ATG4B: variants seen among roughly 807,000 people sequenced by gnomAD.
The protein encoded by ATG4B is cysteine protease ATG4B.
Under a neutral mutation model 56.6 loss-of-function variants are expected in ATG4B, and 29 were observed. That is an observed-to-expected ratio of 0.51 (90% CI 0.38 to 0.70). The LOEUF is 0.70. Among genes scored for constraint, ATG4B ranks in the 30% least tolerant of loss-of-function variants. ATG4B has a pLI of 0.00. For synonymous variants in ATG4B, 224 were observed against 206.1 expected (o/e 1.09, Z -0.74); for missense variants, 461 against 515.5 (o/e 0.89, Z 1.02).
intron 5 of ATG4B, 84 bp from the exon 6 acceptor site, chr2:241,655,186 GT>G: frequency 4.3e-6 from 6 of 1,409,262 alleles, no homozygotes; most frequent in Middle Eastern, 1.8e-4. Flanking sequence ...AGGCCTTCCT[GT>G]GACGTGTCTC....
chr2:241,668,682 T>C lies in ATG4B; in HGVS notation c.954T>C (p.Ala318=). 1.3e-6 allele frequency: 2 copies of C among 1,570,526 alleles called. No homozygotes were observed. The highest frequency in any genetic ancestry group is 1.4e-5 in the African/African-American group (1 of 73,838). The change falls in exon 10 of 13, where the codon GCT becomes GCC. Residue 318 remains alanine, a synonymous_variant. Transcript: ENST00000404914. The surrounding 1 kb of genome is among the most constrained non-coding windows in gnomAD (Gnocchi z 4.2). ...TCGCGGAGCTTGACCCGTCCATCGC[T>C]GTGGTACGTGGCGGCCACCTGAGCA... The part of the protein sequence containing the change: ...MSIAELDPSI[A]VGFFCKTEDD...
chr2:241,666,561 T>C (rs752921596), intron 7 of ATG4B, 84 bp from the exon 8 acceptor site: 14 of 1,419,182 alleles, frequency 9.9e-6, no homozygotes, highest in Middle Eastern at 1.7e-4. Context: ...CTTTTTCTGT[T>C]ACACAGTCAT....
rs750086156 is a variant in ATG4B, at chr2:241,655,300, A to G, written c.415A>G (p.Ile139Val). ...AQMGVGEGKS[I>V]GQWYGPNTVA... ...AATGGGAGTTGGCGAAGGCAAGTCCATAGGCCAGTGGTACGGGCCCAACAC... is the reference window on the plus strand; with the variant it reads ...AATGGGAGTTGGCGAAGGCAAGTCCGTAGGCCAGTGGTACGGGCCCAACAC... The change falls in exon 6 of 13, where the codon ATA (isoleucine) becomes GTA (valine). Residue 139 changes from isoleucine (I) to valine (V), a missense_variant. Coordinates refer to ENST00000404914, the MANE Select transcript of ATG4B (RefSeq NM_013325.5). 2.4e-5 allele frequency: 38 copies of G among 1,612,258 alleles called. 1 individual carries two copies. The highest frequency in any genetic ancestry group is 2.9e-5 in the Non-Finnish European group (34 of 1,179,232).
At chr2:241,672,055 T>C in intron 12 of ATG4B, 136 bp from the exon 13 acceptor site, 1 of 1,391,272 alleles carries the variant, frequency 7.2e-7, no homozygotes, top group East Asian at 3.1e-5. Context: ...CCCGGACCTG[T>C]TCACACCCGC....
At chr2:241,650,922 C>A in intron 1 of ATG4B, 88 bp from the exon 2 acceptor site, 1 of 1,117,938 alleles carries the variant, frequency 8.9e-7, no homozygotes, top group Non-Finnish European at 1.3e-6. Context: ...TTGTTCTCTT[C>A]AGCACAGAAA....
At chr2:241,664,866 A>G (rs2068711855) in intron 7 of ATG4B, among the ~76,000 whole-genome samples, 1 of 152,182 alleles carries the variant, frequency 6.6e-6, no homozygotes, top group Non-Finnish European at 1.5e-5. Context: ...GGGGAGGCTG[A>G]GGCAGGAGAA....
chr2:241,643,663 C>CACATATATGTATAAATATATATATACGT (rs1553563368), intron 1 of ATG4B, among the ~76,000 whole-genome samples: 1 of 135,604 alleles, frequency 7.4e-6, no homozygotes, highest in Non-Finnish European at 1.5e-5. Flanking sequence ...TATATATATA[C>CACATATATGTATAAATATATATATACGT]GTGTGTGTGT....
rs2069051637 is a variant in ATG4B, at chr2:241,673,621, A to C, written c.*1357A>C. On this transcript the variant is annotated 3_prime_UTR_variant, in exon 13 of 13. Transcript: ENST00000404914. ...CTCGTATCCTTTCTCCCTTGGGTGT[A>C]GTTGGGGTGGGGAAGCAGGGAAGGC... 1 of 455,962 alleles carries C rather than the reference A, an allele frequency of 2.2e-6. No individual in the cohort carries two copies. The highest frequency in any genetic ancestry group is 2.4e-5 in the Admixed American group (1 of 42,538). 28.2% of individuals were successfully genotyped at this position (455,962 alleles called of 1,614,324 possible).
chr2:241,668,833 G>A lies in ATG4B; in HGVS notation c.957+148G>A. The A allele has an allele frequency of 4.1e-6, 5 of 1,205,976 alleles. No homozygotes were observed. The highest frequency in any genetic ancestry group is 5.7e-6 in the Non-Finnish European group (5 of 874,032). 74.7% of individuals were successfully genotyped at this position (1,205,976 alleles called of 1,614,324 possible). A position where few individuals can be genotyped will look rare whatever the true frequency, so the allele number is the denominator to read the frequency against. ...GTGGTTGGGAATCTGAAGGGTATAA[G>A]AGCCGGAACTGTGTCCTTGCACCCT... On this transcript the variant is annotated intron_variant, in intron 10 of 12. Coordinates refer to ENST00000404914, the MANE Select transcript of ATG4B (RefSeq NM_013325.5). The surrounding 1 kb of genome is among the most constrained non-coding windows in gnomAD (Gnocchi z 4.2).
intron 1 of ATG4B, among the ~76,000 whole-genome samples, chr2:241,646,420 C>T (rs2068061347): frequency 6.6e-6 from 1 of 152,156 alleles, no homozygotes; most frequent in South Asian, 2.1e-4. Flanking sequence ...ACAATATGGT[C>T]CTTTTCCTGA....
chr2:241,670,884 T>C (rs2068947197), intron 11 of ATG4B, 102 bp downstream of exon 11: 1 of 1,243,500 alleles, frequency 8.0e-7, no homozygotes, highest in African/African-American at 1.5e-5. Context: ...TCAGGCAGCC[T>C]CACTGGGCCG....
intron 6 of ATG4B, among the ~76,000 whole-genome samples, chr2:241,657,013 G>T (rs982911384): frequency 7.1e-6 from 1 of 140,772 alleles, no homozygotes; most frequent in African/African-American, 2.5e-5. Context: ...CAGTAGCCTG[G>T]GCTGGAGTGC....
chr2:241,652,143 G>A (rs2068246260), intron 3 of ATG4B: 3 of 349,940 alleles, frequency 8.6e-6, no homozygotes, highest in Non-Finnish European at 1.1e-5. Context: ...GTCTCCTTAG[G>A]TTGATATTTA....
At chr2:241,657,730 ATCT>A (rs1391160137) in intron 6 of ATG4B, among the ~76,000 whole-genome samples, 6 of 152,056 alleles carry the variant, frequency 3.9e-5, no homozygotes, top group African/African-American at 9.7e-5. Flanking sequence ...TCCCAGCCCC[ATCT>A]TCTTCTTTCT....
chr2:241,668,012 CA>C lies in ATG4B; in HGVS notation c.733-130del, dbSNP rs2068832790. ...TCCTGGACAGTAAGCTCTTTGGTAC[CA>C]TGTCCCCTCCTGTCCCCTCTTGTGT... On this transcript the variant is annotated intron_variant, in intron 8 of 12. Transcript: ENST00000404914. This position sits in a 1 kb window ranked among gnomAD's most constrained non-coding sequence, Gnocchi z 4.2. The C allele has an allele frequency of 2.5e-6, 2 of 789,924 alleles. No individual in the cohort carries two copies. The highest frequency in any genetic ancestry group is 4.0e-6 in the Non-Finnish European group (2 of 501,492). 48.9% of individuals were successfully genotyped at this position (789,924 alleles called of 1,614,324 possible).
intron 7 of ATG4B, among the ~76,000 whole-genome samples, chr2:241,662,847 G>A (rs956457403): frequency 1.3e-5 from 2 of 150,676 alleles, no homozygotes; most frequent in Non-Finnish European, 2.9e-5. Flanking sequence ...CCAATAAAGT[G>A]GGCCGGGCGC....
At chr2:241,671,517 G>T in intron 12 of ATG4B, 112 bp downstream of exon 12, 1 of 1,548,208 alleles carries the variant, frequency 6.5e-7, no homozygotes, top group Non-Finnish European at 8.7e-7. Context: ...AGCCTGAGCC[G>T]TGAGCACTTG....
intron 10 of ATG4B, 184 bp from the exon 11 acceptor site, chr2:241,670,542 G>A: frequency 3.1e-6 from 2 of 638,016 alleles, no homozygotes; most frequent in Non-Finnish European, 5.6e-6. Context: ...CTGGTGCAGG[G>A]GACCATGCAC....
chr2:241,659,401 T>G lies in ATG4B; in HGVS notation c.538+214T>G, dbSNP rs1455710007. The G allele has an allele frequency of 4.7e-6, 3 of 642,060 alleles. No individual in the cohort carries two copies. The African/African-American group carries it at 5.4e-5, about 12-fold the overall frequency. The allele number at this position is 642,060 out of a possible 1,614,324, so 39.8% of individuals were successfully genotyped here. On this transcript the variant is annotated intron_variant, in intron 7 of 12. Transcript: ENST00000404914. ...CCAAGAGAGGAGAGCCCAGGCTGTCTGGAGGCCGCGACTTGGTATCTCACG... is the reference window on the plus strand; with the variant it reads ...CCAAGAGAGGAGAGCCCAGGCTGTCGGGAGGCCGCGACTTGGTATCTCACG...
Sources: allele counts gnomAD v4.1 joint callset (sites outside exome capture counted in the v4.1 genomes callset), GRCh38; gene constraint gnomAD v4.1.1; non-coding constraint Gnocchi (gnomAD v3.1); transcripts MANE v1.5; gene names NCBI Gene and HGNC (gene_info 2026-07-23, HGNC 2026-07-21).